CDS2: variants seen among roughly 807,000 people sequenced by gnomAD.
CDS2 encodes phosphatidate cytidylyltransferase 2.
CDS2 carries 47 observed loss-of-function variants against 59.0 expected under a neutral mutation model. The observed-to-expected ratio is 0.80, with a 90% CI of 0.63 to 1.02. The LOEUF (loss-of-function observed/expected upper bound fraction) is 1.02, where lower values mean the gene tolerates loss of function less well. Ranked by LOEUF, CDS2 falls within the 50% of genes least tolerant of loss-of-function variation. CDS2 has a pLI of 0.00. For synonymous variants in CDS2, 207 were observed against 206.4 expected (o/e 1.00, Z -0.02); for missense variants, 356 against 558.9 (o/e 0.64, Z 3.66).
chr20:5,137,283 G>A (rs1400718638), intron 1 of CDS2, among the ~76,000 whole-genome samples: 8 of 145,726 alleles, frequency 5.5e-5, no homozygotes, highest in Non-Finnish European at 9.0e-5. Flanking sequence ...TCGCCCTGTC[G>A]CCCAGGCTGG....
chr20:5,159,937 A>G (rs983105998), intron 1 of CDS2, among the ~76,000 whole-genome samples: 18 of 152,366 alleles, frequency 1.2e-4, no homozygotes, highest in Admixed American at 5.9e-4. Flanking sequence ...GTAAAAACTC[A>G]GAATCCTTGT....
chr20:5,142,168 C>T (rs1364666595), intron 1 of CDS2, among the ~76,000 whole-genome samples: 8 of 152,086 alleles, frequency 5.3e-5, no homozygotes, highest in South Asian at 4.2e-4. Flanking sequence ...TATTTAAGGC[C>T]GAGTGCGGTG....
At chr20:5,175,852 A>G (rs1254742947) in intron 3 of CDS2, among the ~76,000 whole-genome samples, 1 of 152,134 alleles carries the variant, frequency 6.6e-6, no homozygotes, top group Non-Finnish European at 1.5e-5. Context: ...TACCCTGGGC[A>G]TGTCTCTATA....
At chr20:5,146,910 C>T (rs1043331685) in intron 1 of CDS2, among the ~76,000 whole-genome samples, 3 of 152,158 alleles carry the variant, frequency 2.0e-5, no homozygotes, top group Admixed American at 6.5e-5. Flanking sequence ...TGGCTTCTAT[C>T]TCTAGTATAG....
chr20:5,154,790 G>A (rs774245156), intron 1 of CDS2, among the ~76,000 whole-genome samples: 1 of 152,164 alleles, frequency 6.6e-6, no homozygotes, highest in Non-Finnish European at 1.5e-5. Flanking sequence ...TGGGACTACG[G>A]GTGCGTGCCA....
chr20:5,144,124 A>G (rs776698251), intron 1 of CDS2, among the ~76,000 whole-genome samples: 43 of 152,008 alleles, frequency 2.8e-4, no homozygotes, highest in Non-Finnish European at 4.4e-4. Context: ...TCATATGGTA[A>G]TTCTGTTTAA....
rs6053183 is a variant in CDS2, at chr20:5,184,499, T to C, written c.672-359T>C. The stretch of plus-strand genomic sequence containing the variant: ...AAAAATTAGAAACGATTAGAAGTGG[T>C]TATTTTTGGGAATGGAGATAGGGAT... On this transcript the variant is annotated intron_variant, in intron 7 of 12. Transcript: ENST00000460006. The surrounding 1 kb of genome is among the most constrained non-coding windows in gnomAD (Gnocchi z 4.3). Among the ~76,000 whole-genome samples the C allele has an allele frequency of 0.3, 45,450 of 152,018 alleles. 7,407 individuals are homozygous for C. The highest frequency in any genetic ancestry group is 0.38 in the South Asian group (1,833 of 4,816).
intron 1 of CDS2, among the ~76,000 whole-genome samples, chr20:5,141,563 C>CTGTATATTTGTATCCAATATGCAAATAT (rs1234300203): frequency 3.9e-5 from 6 of 152,090 alleles, no homozygotes; most frequent in African/African-American, 7.2e-5. Flanking sequence ...CTTCATCTGG[C>CTGTATATTTGTATCCAATATGCAAATAT]TGTATATTTG....
chr20:5,161,917 G>A (rs61017179), intron 1 of CDS2, among the ~76,000 whole-genome samples: 2,404 of 152,286 alleles, frequency 0.016, 67 homozygotes, highest in African/African-American at 0.054. Context: ...TGTTAATATA[G>A]CCTAAAATGC....
intron 1 of CDS2, among the ~76,000 whole-genome samples, chr20:5,151,542 C>G (rs1358785900): frequency 6.6e-6 from 1 of 152,026 alleles, no homozygotes; most frequent in Non-Finnish European, 1.5e-5. Context: ...GGGAGGATTG[C>G]TTAAGCCCAA....
intron 1 of CDS2, among the ~76,000 whole-genome samples, chr20:5,173,275 C>T (rs1438761008): frequency 2.6e-5 from 4 of 152,234 alleles, no homozygotes; most frequent in Non-Finnish European, 5.9e-5. Context: ...CTGCCCTCTG[C>T]GGTTAAGCAG....
At chr20:5,182,252 C>G in intron 5 of CDS2, 135 bp from the exon 6 acceptor site, 1 of 580,800 alleles carries the variant, frequency 1.7e-6, no homozygotes, top group Non-Finnish European at 2.9e-6. Flanking sequence ...GTTTTTCTCC[C>G]CTGGGCTTTG....
intron 1 of CDS2, among the ~76,000 whole-genome samples, chr20:5,131,948 A>G (rs1292138435): frequency 6.6e-6 from 1 of 152,222 alleles, no homozygotes; most frequent in Non-Finnish European, 1.5e-5. Flanking sequence ...TTTATAGAAA[A>G]AACTTTAATA....
intron 4 of CDS2, among the ~76,000 whole-genome samples, chr20:5,177,346 T>G (rs1416185257): frequency 6.6e-6 from 1 of 152,000 alleles, no homozygotes; most frequent in Non-Finnish European, 1.5e-5. Flanking sequence ...CAGACTGTGG[T>G]GTTTGAGCCC....
At position 5,190,162 on chromosome 20, in the gene CDS2, C is replaced by A. The variant is rs370172531; in HGVS notation, c.1266C>A (p.Leu422=). Residue 422 remains leucine, a synonymous_variant, in exon 13 of 13, where the codon CTC becomes CTA. Transcript: ENST00000460006. ...QFLTLRPDQQ[L]HIFNTLRSHL... Reference sequence around the variant, plus strand: ...TGACTTTACGGCCAGATCAGCAGCTCCACATCTTCAACACGCTGCGGTCTC... The same window carrying A: ...TGACTTTACGGCCAGATCAGCAGCTACACATCTTCAACACGCTGCGGTCTC... The A allele has an allele frequency of 6.2e-7, 1 of 1,614,010 alleles. No homozygotes were observed. Among genetic ancestry groups the A allele is most frequent in the Non-Finnish European group, 8.5e-7 (1 of 1,179,922 alleles).
chr20:5,185,655 A>T, intron 8 of CDS2, 103 bp from the exon 9 acceptor site: 1 of 994,916 alleles, frequency 1.0e-6, no homozygotes, highest in South Asian at 1.5e-5. Context: ...CATGGTTAAG[A>T]GAATGGGGTT....
chr20:5,135,491 C>G (rs1050849265), intron 1 of CDS2, among the ~76,000 whole-genome samples: 1 of 152,202 alleles, frequency 6.6e-6, no homozygotes, highest in Non-Finnish European at 1.5e-5. Flanking sequence ...GAGACGGACA[C>G]TGACTCTTCA....
At chr20:5,172,542 A>G (rs2090963744) in intron 1 of CDS2, among the ~76,000 whole-genome samples, 1 of 152,222 alleles carries the variant, frequency 6.6e-6, no homozygotes, top group Non-Finnish European at 1.5e-5. Context: ...CAGGGAAGTC[A>G]GAGGACCTGG....
rs2091115928 is a variant in CDS2 at position 5,191,668 on chromosome 20, C to T, written c.*1434C>T. 6.6e-6 allele frequency: 1 copy of T among 152,166 alleles called. No individual in the cohort carries two copies. Among genetic ancestry groups the T allele is most frequent in the African/African-American group, 2.4e-5 (1 of 41,418 alleles). The allele number at this position is 152,166 out of a possible 1,614,324, so 9.4% of individuals were successfully genotyped here. ...TGCCTCCCTGAAAGTGCACAGTCAGCCCAGGTCTCTAGAGTGTCCAGCAGA... is the reference window on the plus strand; with the variant it reads ...TGCCTCCCTGAAAGTGCACAGTCAGTCCAGGTCTCTAGAGTGTCCAGCAGA... On this transcript the variant is annotated 3_prime_UTR_variant, in exon 13 of 13. Coordinates refer to ENST00000460006, the MANE Select transcript of CDS2 (RefSeq NM_003818.4).
Sources: gnomAD v4.1 joint callset for allele counts (sites outside exome capture counted in the v4.1 genomes callset) on GRCh38, gnomAD v4.1.1 for gene constraint, Gnocchi (gnomAD v3.1) non-coding constraint, MANE v1.5 for transcripts, NCBI Gene and HGNC (gene_info 2026-07-23, HGNC 2026-07-21) for gene names.